Variants in TENM3 observed in about 807,000 individuals in gnomAD.
TENM3 encodes the protein teneurin-3.
A neutral mutation model predicts 255.1 loss-of-function variants in TENM3; 63 were observed. The ratio of observed to expected loss-of-function variants is 0.25; its 90% CI spans 0.20 to 0.30. The LOEUF (loss-of-function observed/expected upper bound fraction) is 0.30, where lower values mean the gene tolerates loss of function less well. Ranked by LOEUF, TENM3 falls within the 10% of genes least tolerant of loss-of-function variation. The pLI, the probability that TENM3 is intolerant of heterozygous loss-of-function variation, is 1.00. For missense variants in TENM3, 2,929 were observed against 3,461.1 expected (o/e 0.85, Z 3.86); for synonymous variants, 1,306 against 1,322.3 (o/e 0.99, Z 0.27).
the TENM3 span, among the ~76,000 whole-genome samples, chr4:181,728,731 G>C: frequency 6.6e-6 from 1 of 152,088 alleles, no homozygotes; most frequent in South Asian, 2.1e-4. Flanking sequence ...ATCTTGTGCC[G>C]ACCTCCTATC....
the TENM3 span, among the ~76,000 whole-genome samples, chr4:182,096,452 T>C: frequency 6.6e-6 from 1 of 152,364 alleles, no homozygotes; most frequent in Admixed American, 6.5e-5. Context: ...AGAACATGTC[T>C]ATTTATCTAA....
At chr4:182,705,235 C>T (rs528493076) in intron 12 of TENM3, among the ~76,000 whole-genome samples, 1 of 152,260 alleles carries the variant, frequency 6.6e-6, no homozygotes, top group African/African-American at 2.4e-5. Context: ...GAGAATGATA[C>T]CTACTTACAA....
chr4:181,507,727 C>T, the TENM3 span, among the ~76,000 whole-genome samples: 1 of 152,200 alleles, frequency 6.6e-6, no homozygotes, highest in African/African-American at 2.4e-5. Flanking sequence ...AGATGAGATG[C>T]TCAAATCGAT....
chr4:181,607,334 A>G, the TENM3 span, among the ~76,000 whole-genome samples: 3 of 152,224 alleles, frequency 2.0e-5, no homozygotes, highest in Non-Finnish European at 4.4e-5. Flanking sequence ...ATAAGCAGCT[A>G]TGGAGCACTT....
the TENM3 span, among the ~76,000 whole-genome samples, chr4:181,869,625 G>T: frequency 6.6e-6 from 1 of 151,888 alleles, no homozygotes; most frequent in African/African-American, 2.4e-5. Flanking sequence ...CAACTACTAG[G>T]TACCCACAAA....
intron 4 of TENM3, among the ~76,000 whole-genome samples, chr4:182,625,228 T>A (rs975024422): frequency 2.6e-5 from 4 of 152,008 alleles, no homozygotes; most frequent in African/African-American, 9.7e-5. Flanking sequence ...GTAGCACGGG[T>A]CCCCGACCAC....
intron 3 of TENM3, among the ~76,000 whole-genome samples, chr4:182,376,251 ATTTG>A (rs1767172673): frequency 6.6e-6 from 1 of 152,174 alleles, no homozygotes; most frequent in Admixed American, 6.5e-5. Flanking sequence ...GTTCCCATTA[ATTTG>A]TTTATTATCC....
the TENM3 span, among the ~76,000 whole-genome samples, chr4:181,588,905 T>A: frequency 6.6e-6 from 1 of 152,160 alleles, no homozygotes; most frequent in South Asian, 2.1e-4. Flanking sequence ...GAGAGGATAA[T>A]TGAATCATGT....
the TENM3 span, among the ~76,000 whole-genome samples, chr4:181,926,694 C>G: frequency 6.6e-6 from 1 of 151,974 alleles, no homozygotes; most frequent in Non-Finnish European, 1.5e-5. Context: ...TAAATGGCAT[C>G]AAAAGATATG....
At chr4:182,342,153 T>C (rs1764524602) in intron 2 of TENM3, among the ~76,000 whole-genome samples, 1 of 152,254 alleles carries the variant, frequency 6.6e-6, no homozygotes, top group African/African-American at 2.4e-5. Context: ...TCAAGAGAAA[T>C]GAAGACATAT....
At chr4:182,289,052 C>T (rs1400227568) in intron 1 of TENM3, among the ~76,000 whole-genome samples, 1 of 151,482 alleles carries the variant, frequency 6.6e-6, no homozygotes, top group African/African-American at 2.4e-5. Flanking sequence ...CAGCAAGACC[C>T]TGTCTTGGCA....
chr4:181,903,560 A>G, the TENM3 span, among the ~76,000 whole-genome samples: 1 of 152,164 alleles, frequency 6.6e-6, no homozygotes, highest in East Asian at 1.9e-4. Flanking sequence ...ATCCCTAATC[A>G]ACTCAAACCA....
intron 12 of TENM3, among the ~76,000 whole-genome samples, chr4:182,707,303 A>G (rs987460708): frequency 6.6e-6 from 1 of 152,198 alleles, no homozygotes; most frequent in African/African-American, 2.4e-5. Context: ...AGATGAGGCA[A>G]CAGCATGAAG....
At chr4:182,740,498 G>A (rs1471504229) in intron 18 of TENM3, among the ~76,000 whole-genome samples, 1 of 152,184 alleles carries the variant, frequency 6.6e-6, no homozygotes, top group Non-Finnish European at 1.5e-5. Context: ...ACATATTTCT[G>A]TATTCCTTCA....
At chr4:182,551,073 T>C (rs1741953347) in intron 3 of TENM3, among the ~76,000 whole-genome samples, 1 of 151,946 alleles carries the variant, frequency 6.6e-6, no homozygotes, top group Non-Finnish European at 1.5e-5. Context: ...AATACAAAAA[T>C]TAGCTGGGCA....
chr4:182,452,233 A>G (rs764378338), intron 3 of TENM3, among the ~76,000 whole-genome samples: 19 of 152,316 alleles, frequency 1.2e-4, no homozygotes, highest in Non-Finnish European at 2.2e-4. Context: ...ATGTTGTGGG[A>G]AAATGGTACC....
chr4:182,507,301 C>T (rs1736937973), intron 3 of TENM3, among the ~76,000 whole-genome samples: 3 of 152,126 alleles, frequency 2.0e-5, no homozygotes, highest in African/African-American at 7.2e-5. Context: ...ACATTAGGTC[C>T]CATAATCTCT....
chr4:182,322,248 A>G (rs1763100734), intron 1 of TENM3, among the ~76,000 whole-genome samples: 1 of 152,236 alleles, frequency 6.6e-6, no homozygotes, highest in South Asian at 2.1e-4. Flanking sequence ...TAGAGAAATC[A>G]AGATATATTC....
the TENM3 span, among the ~76,000 whole-genome samples, chr4:182,121,440 A>G: frequency 6.6e-6 from 1 of 152,192 alleles, no homozygotes; most frequent in South Asian, 2.1e-4. Flanking sequence ...GATAATACCT[A>G]TGGAAGTGGT....
Sources: allele counts gnomAD v4.1 joint callset (sites outside exome capture counted in the v4.1 genomes callset), GRCh38; gene constraint gnomAD v4.1.1; transcripts MANE v1.5; gene names NCBI Gene and HGNC (gene_info 2026-07-23, HGNC 2026-07-21).